Variants in UNC5B observed in about 807,000 individuals in gnomAD.
UNC5B encodes netrin receptor UNC5B.
UNC5B carries 56 observed loss-of-function variants against 103.7 expected under a neutral mutation model. The ratio of observed to expected loss-of-function variants is 0.54; its 90% CI spans 0.44 to 0.67. The LOEUF is 0.67. Ranked by LOEUF, UNC5B falls within the 30% of genes least tolerant of loss-of-function variation. The probability of loss-of-function intolerance (pLI) is 0.00; values close to 1 mark genes in which losing one functional copy is unlikely to be tolerated. For missense variants in UNC5B, 1,194 were observed against 1,284.5 expected (o/e 0.93, Z 1.08); for synonymous variants, 577 against 542.0 (o/e 1.06, Z -0.90).
Position 71,284,840 on chromosome 10 carries a change from G to A in UNC5B, c.425G>A (p.Arg142His), listed in dbSNP as rs900068933. 8 of 1,611,082 alleles carry A rather than the reference G, an allele frequency of 5.0e-6. No individual in the cohort carries two copies. Among genetic ancestry groups the A allele is most frequent in the African/African-American group, 1.3e-5 (1 of 74,900 alleles). The change falls in exon 3 of 17, where the codon CGC (arginine) becomes CAC (histidine). Residue 142 changes from arginine (R) to histidine (H), a missense_variant. Transcript: ENST00000335350. Reference sequence around the variant, plus strand: ...AGCTCCGCGGGCACCACCAAGAGTCGCCGAGCCTACGTCCGCATCGCCTGT... The same window carrying A: ...AGCTCCGCGGGCACCACCAAGAGTCACCGAGCCTACGTCCGCATCGCCTGT... ...AWSSAGTTKSRRAYVRIAYLR... is the reference protein window; with the variant it reads ...AWSSAGTTKSHRAYVRIAYLR...
At chr10:71,244,324 C>T (rs1327139518) in intron 1 of UNC5B, among the ~76,000 whole-genome samples, 1 of 152,222 alleles carries the variant, frequency 6.6e-6, no homozygotes, top group Non-Finnish European at 1.5e-5. Flanking sequence ...CCCCCCACCC[C>T]AGGGCCACTC....
At chr10:71,253,385 A>G (rs921539711) in intron 1 of UNC5B, among the ~76,000 whole-genome samples, 1 of 152,228 alleles carries the variant, frequency 6.6e-6, no homozygotes, top group Non-Finnish European at 1.5e-5. Flanking sequence ...ACCATGCCCA[A>G]GGAGGAGCAG....
At chr10:71,291,888 C>T in intron 10 of UNC5B, 67 bp downstream of exon 10, 4 of 1,509,254 alleles carry the variant, frequency 2.7e-6, no homozygotes, top group Non-Finnish European at 2.6e-6. Context: ...GCCCCAACAC[C>T]CATCCAGCAG....
In UNC5B at chr10:71,213,233, C is replaced by T. The variant is rs1375867094; in HGVS notation, c.79+169C>T. Among the ~76,000 whole-genome samples the T allele has an allele frequency of 6.6e-6, 1 of 152,184 alleles. No individual in the cohort carries two copies. The highest frequency in any genetic ancestry group is 1.5e-5 in the Non-Finnish European group (1 of 68,016). On this transcript the variant is annotated intron_variant, in intron 1 of 16. Transcript: ENST00000335350. This position sits in a 1 kb window ranked among gnomAD's most constrained non-coding sequence, Gnocchi z 4.1. The stretch of plus-strand genomic sequence containing the variant: ...CTCCCAAAGTGGGCAATGGCGCATC[C>T]ACATCGCGGGAGCGGGGAGCAGGGA...
Position 71,285,369 on chromosome 10 carries a change from G to GC in UNC5B, c.496dup (p.Leu166ProfsTer4). ...ATCAGGAGCCTCTGGGCAAGGAGGT[G>GC]CCCCTGGACCATGAGGTTCTCCTGC... is the stretch of plus-strand genomic sequence containing the variant. On this transcript the variant is annotated frameshift_variant, in exon 4 of 17. Coordinates refer to ENST00000335350, the MANE Select transcript of UNC5B (RefSeq NM_170744.5). LOFTEE classifies it high-confidence loss of function. The GC allele has an allele frequency of 6.2e-7, 1 of 1,611,556 alleles. No individual in the cohort carries two copies. Among genetic ancestry groups the GC allele is most frequent in the Non-Finnish European group, 8.5e-7 (1 of 1,179,280 alleles).
At position 71,290,952 on chromosome 10, in the gene UNC5B, G is replaced by A; in HGVS notation, c.1137G>A (p.Gly379=). 6.2e-6 allele frequency: 10 copies of A among 1,613,868 alleles called. No homozygotes were observed. The highest frequency in any genetic ancestry group is 8.5e-6 in the Non-Finnish European group (10 of 1,180,024). The change falls in exon 9 of 17, where the codon GGG becomes GGA. Residue 379 remains glycine, a synonymous_variant. Coordinates refer to ENST00000335350, the MANE Select transcript of UNC5B (RefSeq NM_170744.5). ...CAGGGGATGCGGCGCTGTATGCGGG[G>A]CTCGTGGTGGCCATCTTCGTGGTCG... ...EASGDAALYA[G]LVVAIFVVVA...
Position 71,297,841 on chromosome 10 carries a change from G to C in UNC5B, c.2491-68G>C, listed in dbSNP as rs928473823. 8.6e-6 allele frequency: 13 copies of C among 1,514,124 alleles called. No homozygotes were observed. In the South Asian group the frequency reaches 1.7e-4, roughly 19 times the overall value. The allele number at this position is 1,514,124 out of a possible 1,614,324, so 93.8% of individuals were successfully genotyped here. A position where few individuals can be genotyped will look rare whatever the true frequency, so the allele number is the denominator to read the frequency against. On this transcript the variant is annotated intron_variant, in intron 15 of 16. Transcript: ENST00000335350. Reference sequence around the variant, plus strand: ...AAGGCTCAATGAGCTCACAGTCCAAGGGGAGGGAGGCTGGAGGGCAGATGC... The same window carrying C: ...AAGGCTCAATGAGCTCACAGTCCAACGGGAGGGAGGCTGGAGGGCAGATGC...
chr10:71,293,851 C>A lies in UNC5B; in HGVS notation c.2093C>A (p.Ala698Asp). 6.2e-7 allele frequency: 1 copy of A among 1,609,812 alleles called. No homozygotes were observed. Residue 698 changes from alanine (A) to aspartate (D), a missense_variant, in exon 13 of 17, where the codon GCC becomes GAC. Coordinates refer to ENST00000335350, the MANE Select transcript of UNC5B (RefSeq NM_170744.5). ...SRSAVKRLQL[A>D]VFAPALCTSL... ...TCAGCAGTCAAGCGGCTCCAGCTGG[C>A]CGTCTTCGCCCCCGCCCTCTGCACC...
rs1845492154 is a variant in UNC5B at position 71,298,145 on chromosome 10, CAG to C, written c.2672+56_2672+57del. The C allele has an allele frequency of 2.6e-6, 4 of 1,525,394 alleles. No homozygotes were observed. In the East Asian group the frequency reaches 9.4e-5, roughly 36 times the overall value. The allele number at this position is 1,525,394 out of a possible 1,614,324, so 94.5% of individuals were successfully genotyped here. ...ATCTGCCTTCGTCCTCAAGGTCTCACAGGGGCAGGCAGGGCAGGCAGCCTGAC... is the reference window on the plus strand; with the variant it reads ...ATCTGCCTTCGTCCTCAAGGTCTCACGGGCAGGCAGGGCAGGCAGCCTGAC... On this transcript the variant is annotated intron_variant, in intron 16 of 16. Transcript: ENST00000335350.
At chr10:71,231,075 T>C (rs567039361) in intron 1 of UNC5B, among the ~76,000 whole-genome samples, 49 of 152,282 alleles carry the variant, frequency 3.2e-4, no homozygotes, top group Admixed American at 5.9e-4. Context: ...TCCCTGTCTG[T>C]TAAATGAGGG....
intron 14 of UNC5B, among the ~76,000 whole-genome samples, chr10:71,296,211 A>G (rs959650983): frequency 6.6e-6 from 1 of 152,180 alleles, no homozygotes. Flanking sequence ...ACAGACGACT[A>G]TGCCCTTCAT....
intron 2 of UNC5B, among the ~76,000 whole-genome samples, chr10:71,281,218 T>C (rs1182422583): frequency 6.6e-6 from 1 of 152,210 alleles, no homozygotes; most frequent in Non-Finnish European, 1.5e-5. Flanking sequence ...CACTGAACCA[T>C]ATGCTTACAA....
intron 1 of UNC5B, among the ~76,000 whole-genome samples, chr10:71,224,445 G>C (rs1373136460): frequency 6.6e-6 from 1 of 151,186 alleles, no homozygotes; most frequent in Non-Finnish European, 1.5e-5. Context: ...GCCCCAAGTT[G>C]AGGATTGGGA....
chr10:71,298,666 A>G lies in UNC5B; in HGVS notation c.2673-446A>G, dbSNP rs186002206. On this transcript the variant is annotated intron_variant, in intron 16 of 16. Transcript: ENST00000335350. ...AGACATTTTACTAGAAATGAATAGG[A>G]CTTACAAAGATGGCTAAGGCTTTAT... Among the ~76,000 whole-genome samples, 628 of 152,290 alleles carry G rather than the reference A, an allele frequency of 4.1e-3. 4 individuals are homozygous for G. The highest frequency in any genetic ancestry group is 0.014 in the African/African-American group (589 of 41,544).
At chr10:71,224,364 G>GACACACACACACACACACAC (rs58378731) in intron 1 of UNC5B, among the ~76,000 whole-genome samples, 17 of 97,350 alleles carry the variant, frequency 1.7e-4, no homozygotes, top group African/African-American at 5.3e-4. Context: ...TCTGTATGTA[G>GACACACACACACACACACAC]ACACACACAC....
chr10:71,282,695 G>A (rs1844961350), intron 2 of UNC5B, among the ~76,000 whole-genome samples: 1 of 152,186 alleles, frequency 6.6e-6, no homozygotes, highest in African/African-American at 2.4e-5. Context: ...CATACCCCTA[G>A]CCACCTCCCA....
intron 1 of UNC5B, among the ~76,000 whole-genome samples, chr10:71,228,256 G>A (rs1404275737): frequency 6.6e-6 from 1 of 152,118 alleles, no homozygotes; most frequent in Non-Finnish European, 1.5e-5. Flanking sequence ...ACTACTAAAT[G>A]AAAACATGGG....
chr10:71,257,250 A>G (rs897631695), intron 1 of UNC5B, among the ~76,000 whole-genome samples: 4 of 151,986 alleles, frequency 2.6e-5, no homozygotes, highest in African/African-American at 7.3e-5. Context: ...ATGGCCCACC[A>G]CTCAGCTCTC....
chr10:71,230,613 G>T (rs1272992569), intron 1 of UNC5B, among the ~76,000 whole-genome samples: 5 of 152,266 alleles, frequency 3.3e-5, no homozygotes, highest in African/African-American at 1.2e-4. Flanking sequence ...CATCCCTGGA[G>T]CCTGGCACAG....
Sources: allele counts gnomAD v4.1 joint callset (sites outside exome capture counted in the v4.1 genomes callset), GRCh38; gene constraint gnomAD v4.1.1; non-coding constraint Gnocchi (gnomAD v3.1); transcripts MANE v1.5; gene names NCBI Gene and HGNC (gene_info 2026-07-23, HGNC 2026-07-21).